UBE2T: variants seen among roughly 807,000 people sequenced by gnomAD.
The protein encoded by UBE2T is ubiquitin conjugating enzyme E2 T, also known as ubiquitin-conjugating enzyme E2 T.
Under a neutral mutation model 23.3 loss-of-function variants are expected in UBE2T, and 15 were observed. The observed-to-expected ratio is 0.64, with a 90% CI of 0.43 to 0.99. The LOEUF (loss-of-function observed/expected upper bound fraction) is 0.99. UBE2T is among the 50% of genes least tolerant of loss of function. The pLI, the probability that UBE2T is intolerant of heterozygous loss-of-function variation, is 0.00. For synonymous variants in UBE2T, 67 were observed against 78.4 expected, an observed-to-expected ratio of 0.85 and a Z score of 0.77; for missense variants, 197 against 234.9, an observed-to-expected ratio of 0.84 and a Z score of 1.05.
In UBE2T at chr1:202,333,065, G is replaced by T; in HGVS notation, c.413C>A (p.Ala138Asp). Residue 138 changes from alanine to aspartate, a missense_variant, in exon 6 of 7, where the codon GCC becomes GAC. Coordinates refer to ENST00000646651, the MANE Select transcript of UBE2T (RefSeq NM_014176.4). ...CCACTGTCTGGCATTCTTGAGGAAG[G>T]CTGGCTTATTATATTTAAATTCTGA... Reference protein sequence around the residue: ...ISSEFKYNKPAFLKNARQWTE... With the variant: ...ISSEFKYNKPDFLKNARQWTE... 6.2e-7 allele frequency: 1 copy of T among 1,613,778 alleles called. No homozygotes were observed. Among genetic ancestry groups the T allele is most frequent in the Non-Finnish European group, 8.5e-7 (1 of 1,179,892 alleles).
rs749992700 is a variant in UBE2T, at chr1:202,331,977, G to A, written c.469-17C>T. On this transcript the variant is annotated splice_polypyrimidine_tract_variant and intron_variant, in intron 6 of 6. Transcript: ENST00000646651. Reference sequence around the variant, plus strand: ...CTCATCAGCCTAAAGAGGAGACAGGGTGAAACACAGTAAGGTTCACACAAA... The same window carrying A: ...CTCATCAGCCTAAAGAGGAGACAGGATGAAACACAGTAAGGTTCACACAAA... The A allele has an allele frequency of 6.2e-7, 1 of 1,613,632 alleles. No homozygotes were observed. Among genetic ancestry groups the A allele is most frequent in the Non-Finnish European group, 8.5e-7 (1 of 1,179,758 alleles).
At chr1:202,337,756 A>G (rs1306737463) in intron 1 of UBE2T, among the ~76,000 whole-genome samples, 1 of 152,190 alleles carries the variant, frequency 6.6e-6, no homozygotes, top group African/African-American at 2.4e-5. Context: ...TTACTGAGGT[A>G]TAACTGGCAA....
chr1:202,332,929 A>AAAAAAAAAAAAAAAAAAAAAC (rs1558100015), intron 6 of UBE2T, 81 bp downstream of exon 6: 1 of 458,930 alleles, frequency 2.2e-6, no homozygotes, highest in Non-Finnish European at 3.1e-6. Flanking sequence ...AAAAAAAAAA[A>AAAAAAAAAAAAAAAAAAAAAC]AAAAAAAAAA....
At chr1:202,332,501 T>A (rs960933539) in intron 6 of UBE2T, among the ~76,000 whole-genome samples, 17 of 152,260 alleles carry the variant, frequency 1.1e-4, no homozygotes, top group African/African-American at 4.1e-4. Context: ...ATGAAACATC[T>A]ACTGTTAGTT....
chr1:202,334,966 T>C (rs779660788), intron 3 of UBE2T, 23 bp downstream of exon 3: 25 of 1,605,770 alleles, frequency 1.6e-5, no homozygotes, highest in Middle Eastern at 1.6e-4. Flanking sequence ...ACCATGTAGG[T>C]TGAGAAGCTG....
At position 202,334,994 on chromosome 1, in the gene UBE2T, A is replaced by T. The variant is rs1286611953; in HGVS notation, c.174T>A (p.Pro58=). The change falls in exon 3 of 7, where the codon CCT becomes CCA. Residue 58 remains proline, a synonymous_variant. Transcript: ENST00000646651. The part of the protein sequence containing the change: ...KGVFKLEVII[P]ERYPFEPPQI... ...AGAAGCTGATTCATACTAACCTCTC[A>T]GGAATGATAACTTCTAGCTTAAAAA... 6.2e-7 allele frequency: 1 copy of T among 1,612,472 alleles called. No homozygotes were observed. The highest frequency in any genetic ancestry group is 1.7e-5 in the Admixed American group (1 of 59,834).
chr1:202,332,318 TC>T (rs1247272600), intron 6 of UBE2T, among the ~76,000 whole-genome samples: 3 of 152,104 alleles, frequency 2.0e-5, no homozygotes, highest in East Asian at 3.9e-4. Context: ...AAGAAAAGTT[TC>T]CCCCATCTCT....
chr1:202,339,599 C>CAA (rs56088102), intron 1 of UBE2T, among the ~76,000 whole-genome samples: 131 of 78,832 alleles, frequency 1.7e-3, no homozygotes, highest in Admixed American at 3.0e-3. Flanking sequence ...GACTCTGTCT[C>CAA]AAAAAAAAAA....
In UBE2T at chr1:202,335,546, ATAACTG is replaced by A; in HGVS notation, c.109+94_109+99del. On this transcript the variant is annotated intron_variant, in intron 2 of 6. Coordinates refer to ENST00000646651, the MANE Select transcript of UBE2T (RefSeq NM_014176.4). This position sits in a 1 kb window ranked among gnomAD's most constrained non-coding sequence, Gnocchi z 4.0. ...AAAGATGGTAGGGCACTCTGACCTTATAACTGCTCCTTACTTTAGAAGAATACACAA... is the reference window on the plus strand; with the variant it reads ...AAAGATGGTAGGGCACTCTGACCTTACTCCTTACTTTAGAAGAATACACAA... 8.2e-7 allele frequency: 1 copy of A among 1,213,696 alleles called. No individual in the cohort carries two copies. Among genetic ancestry groups the A allele is most frequent in the Non-Finnish European group, 1.2e-6 (1 of 843,656 alleles). The allele number at this position is 1,213,696 out of a possible 1,614,324, so 75.2% of individuals were successfully genotyped here. A position where few individuals can be genotyped will look rare whatever the true frequency, so the allele number is the denominator to read the frequency against.
At chr1:202,339,619 AAAAC>A (rs1402304354) in intron 1 of UBE2T, among the ~76,000 whole-genome samples, 1 of 151,786 alleles carries the variant, frequency 6.6e-6, no homozygotes, top group Admixed American at 6.6e-5. Context: ...AAAAAAAAAA[AAAAC>A]ATCTTCGTCC....
intron 1 of UBE2T, among the ~76,000 whole-genome samples, chr1:202,341,577 CAAAAAAAAAAA>C (rs57598991): frequency 1.6e-3 from 32 of 20,310 alleles, no homozygotes; most frequent in African/African-American, 5.0e-3. Flanking sequence ...GACTCCGTCT[CAAAAAAAAAAA>C]AAAAAAAAAA....
chr1:202,338,393 AT>A (rs1187430132), intron 1 of UBE2T, among the ~76,000 whole-genome samples: 1 of 151,922 alleles, frequency 6.6e-6, no homozygotes, highest in South Asian at 2.1e-4. Context: ...GTAATATTGT[AT>A]TTTTTTAGTA....
At chr1:202,341,804 G>A (rs1655013705) in intron 1 of UBE2T, 91 bp downstream of exon 1, 1 of 152,148 alleles carries the variant, frequency 6.6e-6, no homozygotes, top group Non-Finnish European at 1.5e-5. Context: ...CCCATATTAG[G>A]CGGAAACAGG....
At chr1:202,333,144 T>TG in intron 5 of UBE2T, 51 bp from the exon 6 acceptor site, 1 of 1,598,228 alleles carries the variant, frequency 6.3e-7, no homozygotes, top group South Asian at 1.1e-5. Flanking sequence ...TGATTTGCAG[T>TG]GGTTAGAGCT....
chr1:202,335,866 T>C lies in UBE2T; in HGVS notation c.-64-48A>G. 4.2e-6 allele frequency: 4 copies of C among 944,798 alleles called. No homozygotes were observed. The highest frequency in any genetic ancestry group is 2.3e-5 in the Admixed American group (1 of 43,032). The allele number at this position is 944,798 out of a possible 1,614,324, so 58.5% of individuals were successfully genotyped here. On this transcript the variant is annotated intron_variant, in intron 1 of 6. Transcript: ENST00000646651. The surrounding 1 kb of genome is among the most constrained non-coding windows in gnomAD (Gnocchi z 4.0). ...ATAAAATCATCAGCAATAATGACTA[T>C]GAAGTTTTCAGCAAACAGCTTCAAT... is the stretch of plus-strand genomic sequence containing the variant.
rs749190398 is a variant in UBE2T at position 202,340,968 on chromosome 1, C to T, written c.-65+927G>A. On this transcript the variant is annotated intron_variant, in intron 1 of 6. Coordinates refer to ENST00000646651, the MANE Select transcript of UBE2T (RefSeq NM_014176.4). ...CGCCTTATATCCAGTATCTACTCTC[C>T]ACAAACTCATGCTTCAGCCACACTG... Among the ~76,000 whole-genome samples, 3 of 152,316 alleles carry T rather than the reference C, an allele frequency of 2.0e-5. No homozygotes were observed. In the East Asian group the frequency reaches 5.8e-4, roughly 29 times the overall value.
In UBE2T at chr1:202,333,308, C is replaced by A. The variant is rs1034241281; in HGVS notation, c.313G>T (p.Ala105Ser). ...KGAWRPSLNI[A>S]TVLTSIQLLM... ...AGCTGAATAGAGGTCAACACAGTTG[C>A]GATGTTGAGGGATGGTCTCCAAGCA... The change falls in exon 5 of 7, where the codon GCA becomes TCA. Residue 105 changes from alanine (A) to serine (S), a missense_variant. Physicochemically the swap from Ala to Ser is moderately conservative, Grantham distance 99. Coordinates refer to ENST00000646651, the MANE Select transcript of UBE2T (RefSeq NM_014176.4). The A allele has an allele frequency of 6.2e-7, 1 of 1,614,098 alleles. No homozygotes were observed.
At chr1:202,339,190 T>C (rs1304775432) in intron 1 of UBE2T, among the ~76,000 whole-genome samples, 1 of 151,600 alleles carries the variant, frequency 6.6e-6, no homozygotes, top group Admixed American at 6.6e-5. Context: ...TTTGAGAAAA[T>C]TTTAACCTAC....
chr1:202,337,355 CTT>C (rs1166268125), intron 1 of UBE2T, among the ~76,000 whole-genome samples: 1 of 152,204 alleles, frequency 6.6e-6, no homozygotes, highest in Admixed American at 6.5e-5. Context: ...CTTAAAATCT[CTT>C]TCTTTACATT....
Sources: gnomAD v4.1 joint callset for allele counts (sites outside exome capture counted in the v4.1 genomes callset) on GRCh38, gnomAD v4.1.1 for gene constraint, Gnocchi (gnomAD v3.1) non-coding constraint, MANE v1.5 for transcripts, NCBI Gene and HGNC (gene_info 2026-07-23, HGNC 2026-07-21) for gene names.